Variants in CDK14 observed in about 807,000 individuals in gnomAD.
CDK14 encodes the protein cyclin dependent kinase 14.
Under a neutral mutation model 60.7 loss-of-function variants are expected in CDK14, and 34 were observed. The observed-to-expected ratio is 0.56, with a 90% confidence interval of 0.43 to 0.75. The LOEUF is 0.75. Among genes scored for constraint, CDK14 ranks in the 30% least tolerant of loss-of-function variants. The probability of loss-of-function intolerance (pLI) is 0.00; values close to 1 mark genes in which losing one functional copy is unlikely to be tolerated. For missense variants in CDK14, 482 were observed against 564.1 expected, an observed-to-expected ratio of 0.85 and a Z score of 1.47; for synonymous variants, 197 against 203.7, an observed-to-expected ratio of 0.97 and a Z score of 0.28.
At chr7:91,086,436 G>A (rs540251948) in intron 12 of CDK14, among the ~76,000 whole-genome samples, 1 of 152,152 alleles carries the variant, frequency 6.6e-6, no homozygotes, top group African/African-American at 2.4e-5. Flanking sequence ...GGAACTGTTA[G>A]GGGTTAGACA....
At chr7:90,757,236 G>T (rs1472964850) in intron 4 of CDK14, among the ~76,000 whole-genome samples, 1 of 147,388 alleles carries the variant, frequency 6.8e-6, no homozygotes, top group Non-Finnish European at 1.5e-5. Flanking sequence ...GTGTGTGTGT[G>T]TGTGTGTGTG....
At chr7:90,967,058 C>T (rs1794772591) in intron 9 of CDK14, among the ~76,000 whole-genome samples, 2 of 150,796 alleles carry the variant, frequency 1.3e-5, no homozygotes, top group African/African-American at 4.9e-5. Flanking sequence ...AGGTCTTTCT[C>T]ACCTTGAACG....
intron 4 of CDK14, among the ~76,000 whole-genome samples, chr7:90,749,368 G>A (rs939149083): frequency 3.3e-5 from 5 of 152,036 alleles, no homozygotes; most frequent in South Asian, 2.1e-4. Context: ...GGCAACCTCA[G>A]TTGCCCCACC....
At chr7:90,893,640 G>A (rs1461130679) in intron 6 of CDK14, among the ~76,000 whole-genome samples, 1 of 152,148 alleles carries the variant, frequency 6.6e-6, no homozygotes, top group Non-Finnish European at 1.5e-5. Context: ...AAAGAAAAAA[G>A]ATATGTATAA....
At chr7:91,198,849 A>G (rs1314373693) in intron 14 of CDK14, among the ~76,000 whole-genome samples, 1 of 152,212 alleles carries the variant, frequency 6.6e-6, no homozygotes, top group Non-Finnish European at 1.5e-5. Context: ...TTTAATTTGG[A>G]AAAAAGAAAT....
intron 2 of CDK14, among the ~76,000 whole-genome samples, chr7:90,620,330 G>A (rs1799740074): frequency 6.6e-6 from 1 of 152,118 alleles, no homozygotes; most frequent in Non-Finnish European, 1.5e-5. Context: ...TATTTTTGGT[G>A]GATCGATTGA....
intron 14 of CDK14, among the ~76,000 whole-genome samples, chr7:91,206,264 G>C (rs1387727100): frequency 6.6e-6 from 1 of 152,170 alleles, no homozygotes; most frequent in Non-Finnish European, 1.5e-5. Flanking sequence ...TTGGGATCAG[G>C]CACCATCCAG....
At chr7:91,143,759 G>A (rs1267982334) in intron 14 of CDK14, among the ~76,000 whole-genome samples, 1 of 152,052 alleles carries the variant, frequency 6.6e-6, no homozygotes, top group African/African-American at 2.4e-5. Flanking sequence ...CTTAATGAGT[G>A]CTTACTGCAT....
At chr7:90,672,353 AACT>A (rs1355287446) in intron 2 of CDK14, among the ~76,000 whole-genome samples, 1 of 152,024 alleles carries the variant, frequency 6.6e-6, no homozygotes, top group African/African-American at 2.4e-5. Context: ...AGCTGTGAGC[AACT>A]ACTAATAGCT....
intron 14 of CDK14, among the ~76,000 whole-genome samples, chr7:91,174,079 A>C (rs1178760506): frequency 6.6e-6 from 1 of 152,144 alleles, no homozygotes; most frequent in Non-Finnish European, 1.5e-5. Context: ...TGAAGAGAGC[A>C]GTGGTTCTCC....
At chr7:90,733,164 T>G (rs1363332568) in intron 3 of CDK14, among the ~76,000 whole-genome samples, 1 of 152,224 alleles carries the variant, frequency 6.6e-6, no homozygotes, top group Non-Finnish European at 1.5e-5. Context: ...GTGAGTTTCT[T>G]AATCCTGAGT....
At chr7:91,149,170 A>G (rs1429613594) in intron 14 of CDK14, among the ~76,000 whole-genome samples, 1 of 152,122 alleles carries the variant, frequency 6.6e-6, no homozygotes, top group Non-Finnish European at 1.5e-5. Flanking sequence ...CAGATATGAG[A>G]TGTTATTTAG....
At chr7:90,775,291 A>C (rs1432373690) in intron 4 of CDK14, among the ~76,000 whole-genome samples, 1 of 152,208 alleles carries the variant, frequency 6.6e-6, no homozygotes, top group Non-Finnish European at 1.5e-5. Context: ...ACAGAAGATT[A>C]GGAATGAATG....
intron 2 of CDK14, among the ~76,000 whole-genome samples, chr7:90,626,590 A>C (rs1052796533): frequency 2.0e-5 from 3 of 152,228 alleles, no homozygotes; most frequent in African/African-American, 7.2e-5. Context: ...AGCACTGTTC[A>C]ATAGATACAT....
chr7:91,147,141 G>GTCTGTCTC lies in CDK14; in HGVS notation c.*28+28936_*28+28937insGTCTCTCT, dbSNP rs1554440019. Among the ~76,000 whole-genome samples, 46 of 79,208 alleles carry GTCTGTCTC rather than the reference G, an allele frequency of 5.8e-4. No homozygotes were observed. The East Asian group carries it at 7.0e-3, about 12-fold the overall frequency. The allele number at this position is 79,208 out of a possible 152,430, so 52.0% of individuals were successfully genotyped here. ...CCCACCTCCACTAGCACCTCTCTCT[G>GTCTGTCTC]TCTCTCTCTCTCTCTCTCTCTCACA... On this transcript the variant is annotated intron_variant, in intron 14 of 14. Transcript: ENST00000380050.
intron 12 of CDK14, among the ~76,000 whole-genome samples, chr7:91,100,019 T>C (rs1479791414): frequency 6.6e-6 from 1 of 152,154 alleles, no homozygotes; most frequent in Admixed American, 6.5e-5. Context: ...GGTGCCTCTT[T>C]TGCTGTTTAC....
intron 14 of CDK14, among the ~76,000 whole-genome samples, chr7:91,154,483 T>C (rs1172970299): frequency 2.0e-5 from 3 of 152,096 alleles, no homozygotes; most frequent in East Asian, 3.8e-4. Context: ...CCAACAGATA[T>C]GGATAATTAA....
intron 4 of CDK14, among the ~76,000 whole-genome samples, chr7:90,767,701 C>T (rs888337564): frequency 5.9e-5 from 9 of 152,256 alleles, no homozygotes; most frequent in Admixed American, 2.6e-4. Flanking sequence ...ACTCCTGACT[C>T]GCCAGCACCT....
At chr7:91,030,040 C>G (rs1796716644) in intron 10 of CDK14, among the ~76,000 whole-genome samples, 2 of 152,142 alleles carry the variant, frequency 1.3e-5, no homozygotes, top group Non-Finnish European at 2.9e-5. Context: ...TTTTTCCATA[C>G]TTGTATCCTA....
Sources: gnomAD v4.1 joint callset for allele counts (sites outside exome capture counted in the v4.1 genomes callset) on GRCh38, gnomAD v4.1.1 for gene constraint, MANE v1.5 for transcripts, NCBI Gene and HGNC (gene_info 2026-07-23, HGNC 2026-07-21) for gene names.